ARK2N: variants seen among roughly 807,000 people sequenced by gnomAD.
ARK2N encodes arkadia (RNF111) N-terminal like PKA signaling regulator 2N.
chr18:46,249,969 A>T, the ARK2N span, among the ~76,000 whole-genome samples: 1 of 152,060 alleles, frequency 6.6e-6, no homozygotes, highest in African/African-American at 2.4e-5. Flanking sequence ...CTGTAGTTGC[A>T]CACCACCACG....
At chr18:46,201,910 T>C in the ARK2N span, among the ~76,000 whole-genome samples, 4 of 152,058 alleles carry the variant, frequency 2.6e-5, no homozygotes, top group East Asian at 7.8e-4. Context: ...CCTGAGTAGC[T>C]GGGATTACAG....
chr18:46,261,519 G>A, the ARK2N span, among the ~76,000 whole-genome samples: 1 of 152,164 alleles, frequency 6.6e-6, no homozygotes, highest in Non-Finnish European at 1.5e-5. Flanking sequence ...GGACTCCTTT[G>A]GCTGACATTT....
At chr18:46,174,560 C>T in the ARK2N span, among the ~76,000 whole-genome samples, 11 of 152,284 alleles carry the variant, frequency 7.2e-5, no homozygotes, top group East Asian at 1.9e-4. Flanking sequence ...CCTCCTTGCT[C>T]GTCCGCCGTT....
the ARK2N span, chr18:46,219,332 T>C: frequency 6.6e-6 from 1 of 152,176 alleles, no homozygotes; most frequent in Non-Finnish European, 1.5e-5. Context: ...ATCAAAATAA[T>C]GCTGGCAGTA....
chr18:46,185,285 A>G, the ARK2N span, among the ~76,000 whole-genome samples: 2 of 152,196 alleles, frequency 1.3e-5, no homozygotes, highest in Admixed American at 6.6e-5. Context: ...ATTTAGGTGC[A>G]TAATTTGTTT....
chr18:46,229,178 G>A, the ARK2N span, among the ~76,000 whole-genome samples: 28 of 151,762 alleles, frequency 1.8e-4, no homozygotes, highest in Admixed American at 1.8e-3. Flanking sequence ...AGTTTTTGCA[G>A]AGTGCTTTGA....
chr18:46,227,844 T>C, the ARK2N span, among the ~76,000 whole-genome samples: 1 of 152,222 alleles, frequency 6.6e-6, no homozygotes, highest in African/African-American at 2.4e-5. Context: ...GTGATCTGCC[T>C]GCCTCAGCCT....
At chr18:46,247,653 G>A in the ARK2N span, among the ~76,000 whole-genome samples, 1 of 152,152 alleles carries the variant, frequency 6.6e-6, no homozygotes, top group Non-Finnish European at 1.5e-5. Flanking sequence ...AGTACCTCTT[G>A]GAGCTCAGCT....
At chr18:46,227,209 C>T in the ARK2N span, among the ~76,000 whole-genome samples, 1 of 152,102 alleles carries the variant, frequency 6.6e-6, no homozygotes, top group Admixed American at 6.5e-5. Context: ...TGGAAAAAAA[C>T]GTAATTCTGC....
chr18:46,204,996 T>C, the ARK2N span, among the ~76,000 whole-genome samples: 5 of 151,708 alleles, frequency 3.3e-5, no homozygotes, highest in African/African-American at 1.2e-4. Flanking sequence ...CAGGCTGGAG[T>C]GCAGTGGTGC....
the ARK2N span, among the ~76,000 whole-genome samples, chr18:46,223,843 G>A: frequency 6.6e-6 from 1 of 152,128 alleles, no homozygotes; most frequent in African/African-American, 2.4e-5. Context: ...ATCAGGTAGG[G>A]ATATATGATG....
the ARK2N span, among the ~76,000 whole-genome samples, chr18:46,197,595 G>A: frequency 9.9e-5 from 15 of 152,116 alleles, no homozygotes; most frequent in Admixed American, 9.8e-4. Flanking sequence ...TCTCTGGTGA[G>A]GTTCCTTGAA....
the ARK2N span, among the ~76,000 whole-genome samples, chr18:46,194,412 A>G: frequency 2.6e-5 from 4 of 151,724 alleles, no homozygotes; most frequent in South Asian, 8.3e-4. Flanking sequence ...CAGCCTGGCC[A>G]ACATGGTGGA....
chr18:46,260,987 A>G, the ARK2N span, among the ~76,000 whole-genome samples: 1 of 152,200 alleles, frequency 6.6e-6, no homozygotes, highest in African/African-American at 2.4e-5. Context: ...CAGATAAACA[A>G]TTGGGACTAT....
chr18:46,253,929 A>G, the ARK2N span: 4 of 1,293,036 alleles, frequency 3.1e-6, no homozygotes, highest in African/African-American at 6.0e-5. Flanking sequence ...GCTGGCATGA[A>G]TGAATGATGG....
the ARK2N span, among the ~76,000 whole-genome samples, chr18:46,182,804 A>T: frequency 1.3e-5 from 2 of 151,720 alleles, no homozygotes; most frequent in South Asian, 4.2e-4. Flanking sequence ...CTGCAATATG[A>T]AGTGATTTGA....
At chr18:46,263,263 T>TC in the ARK2N span, 3 of 713,602 alleles carry the variant, frequency 4.2e-6, no homozygotes, top group Non-Finnish European at 6.4e-6. Context: ...TCCCTCCTCT[T>TC]CCCCCCTTTT....
the ARK2N span, among the ~76,000 whole-genome samples, chr18:46,255,970 T>C: frequency 6.6e-6 from 1 of 152,212 alleles, no homozygotes; most frequent in Admixed American, 6.5e-5. Flanking sequence ...TTTTTGTCTT[T>C]GGTTTATTTC....
At chr18:46,191,327 ATTATTAT>A in the ARK2N span, among the ~76,000 whole-genome samples, 1 of 151,916 alleles carries the variant, frequency 6.6e-6, no homozygotes, top group African/African-American at 2.4e-5. Flanking sequence ...ATATTGATAC[ATTATTAT>A]TTATTGTTTA....
Sources: allele counts gnomAD v4.1 joint callset (sites outside exome capture counted in the v4.1 genomes callset), GRCh38; gene constraint gnomAD v4.1.1; transcripts MANE v1.5; gene names NCBI Gene and HGNC (gene_info 2026-07-23, HGNC 2026-07-21).